Variants in FER1L6 observed in about 807,000 individuals in gnomAD.
FER1L6 encodes the protein fer-1 like family member 6.
Under a neutral mutation model 219.2 loss-of-function variants are expected in FER1L6, and 177 were observed. That is an observed-to-expected ratio of 0.81 (90% CI 0.71 to 0.91). FER1L6 has a LOEUF of 0.91. Ranked by LOEUF, FER1L6 falls within the 40% of genes least tolerant of loss-of-function variation. FER1L6 has a pLI of 0.00. For missense variants in FER1L6, 2,153 were observed against 2,259.9 expected, an observed-to-expected ratio of 0.95 and a Z score of 0.96; for synonymous variants, 768 against 824.3, an observed-to-expected ratio of 0.93 and a Z score of 1.17.
chr8:124,045,147 T>G (rs1028536909), intron 20 of FER1L6, among the ~76,000 whole-genome samples: 2 of 152,202 alleles, frequency 1.3e-5, no homozygotes, highest in South Asian at 2.1e-4. Context: ...TGACAAAATT[T>G]TATTTGCTCC....
At chr8:123,982,638 T>A (rs1410582250) in intron 11 of FER1L6, among the ~76,000 whole-genome samples, 1 of 152,192 alleles carries the variant, frequency 6.6e-6, no homozygotes. Context: ...ACAACAAACA[T>A]TTATTTTCTC....
chr8:123,869,682 G>A (rs1269116091), intron 1 of FER1L6, among the ~76,000 whole-genome samples: 1 of 152,168 alleles, frequency 6.6e-6, no homozygotes, highest in African/African-American at 2.4e-5. Context: ...TGTAGATATT[G>A]ACAAGTAATT....
At chr8:124,076,374 C>T (rs1176197644) in intron 32 of FER1L6, 49 bp downstream of exon 32, 1 of 1,582,826 alleles carries the variant, frequency 6.3e-7, no homozygotes, top group South Asian at 1.1e-5. Context: ...GCATTTGCTC[C>T]TGCTGTGTTT....
intron 34 of FER1L6, among the ~76,000 whole-genome samples, chr8:124,094,547 G>A (rs938029530): frequency 9.2e-5 from 14 of 152,014 alleles, no homozygotes; most frequent in East Asian, 5.8e-4. Flanking sequence ...GTGCAGTGGC[G>A]CGATCTCAGC....
chr8:124,041,287 A>G (rs1211656594), intron 20 of FER1L6, among the ~76,000 whole-genome samples: 1 of 152,230 alleles, frequency 6.6e-6, no homozygotes, highest in Admixed American at 6.5e-5. Flanking sequence ...ACTGTCATGA[A>G]GAAGCAGATA....
chr8:123,912,726 T>C (rs1007813917), intron 1 of FER1L6, among the ~76,000 whole-genome samples: 2 of 152,174 alleles, frequency 1.3e-5, no homozygotes, highest in Non-Finnish European at 2.9e-5. Context: ...GCCACAGCAG[T>C]TTAACTCCAG....
intron 1 of FER1L6, among the ~76,000 whole-genome samples, chr8:123,955,727 G>C (rs536139278): frequency 6.6e-6 from 1 of 152,208 alleles, no homozygotes; most frequent in African/African-American, 2.4e-5. Context: ...AGCTAGTGTT[G>C]TTAGTATTCA....
chr8:124,003,287 T>A lies in FER1L6; in HGVS notation c.1640T>A (p.Val547Asp), dbSNP rs560808766. 2 of 1,613,964 alleles carry A rather than the reference T, an allele frequency of 1.2e-6. No individual in the cohort carries two copies. The highest frequency in any genetic ancestry group is 2.2e-5 in the South Asian group (2 of 91,064). Residue 547 changes from valine to aspartate, a missense_variant, in exon 13 of 41, where the codon GTT (valine) becomes GAT (aspartate). By Grantham distance (152) the Val-to-Asp change is radical. Transcript: ENST00000522917. ...GGGCAAGGGGATGTGGCCCATGATGTTCCCATTCCTATGGCCTCCACCACT... is the reference window on the plus strand; with the variant it reads ...GGGCAAGGGGATGTGGCCCATGATGATCCCATTCCTATGGCCTCCACCACT... The part of the protein sequence containing the change: ...HEGQGDVAHD[V>D]PIPMASTTHP...
chr8:123,935,084 C>T (rs1275207174), intron 1 of FER1L6, among the ~76,000 whole-genome samples: 1 of 152,122 alleles, frequency 6.6e-6, no homozygotes, highest in Admixed American at 6.5e-5. Flanking sequence ...ATTGATGATT[C>T]TTAGCTAATT....
At chr8:123,973,976 TA>T (rs1815937809) in intron 7 of FER1L6, among the ~76,000 whole-genome samples, 1 of 152,238 alleles carries the variant, frequency 6.6e-6, no homozygotes, top group African/African-American at 2.4e-5. Context: ...AAATGCTTAG[TA>T]AAGAGTCTCA....
chr8:123,894,539 T>C (rs1424535147), intron 1 of FER1L6, among the ~76,000 whole-genome samples: 2 of 152,170 alleles, frequency 1.3e-5, no homozygotes, highest in Non-Finnish European at 2.9e-5. Flanking sequence ...TACTAAACAA[T>C]TGTAAAATGC....
At chr8:123,892,076 A>G (rs1328806190) in intron 1 of FER1L6, among the ~76,000 whole-genome samples, 2 of 152,206 alleles carry the variant, frequency 1.3e-5, no homozygotes, top group East Asian at 3.8e-4. Flanking sequence ...AAAAGGTTAT[A>G]AAAGGTTTAT....
chr8:123,911,287 T>A (rs76592583), intron 1 of FER1L6, among the ~76,000 whole-genome samples: 1 of 152,208 alleles, frequency 6.6e-6, no homozygotes, highest in South Asian at 2.1e-4. Flanking sequence ...ATGATAGTTA[T>A]GCAATAAAAT....
intron 26 of FER1L6, among the ~76,000 whole-genome samples, chr8:124,065,537 G>A (rs1211902147): frequency 2.0e-5 from 3 of 152,126 alleles, no homozygotes; most frequent in Admixed American, 2.0e-4. Context: ...TTCATCCATG[G>A]TCAGCGACCC....
chr8:123,993,815 GT>G (rs1816987053), intron 12 of FER1L6, among the ~76,000 whole-genome samples: 1 of 152,202 alleles, frequency 6.6e-6, no homozygotes, highest in Non-Finnish European at 1.5e-5. Context: ...GATGTGGTCT[GT>G]CCTCAAGTCT....
In FER1L6 at chr8:124,060,698, G is replaced by A. The variant is rs1448441265; in HGVS notation, c.3136G>A (p.Ala1046Thr). 2.5e-6 allele frequency: 4 copies of A among 1,613,770 alleles called. No individual in the cohort carries two copies. In the South Asian group the frequency reaches 3.3e-5, roughly 13 times the overall value. ...NNPNFSIQAD[A>T]FEVELPENEL... is the part of the protein sequence containing the mutation. The stretch of plus-strand genomic sequence containing the variant: ...CCCGAACTTCAGCATCCAGGCAGAC[G>A]CTTTCGAAGTGGTGCGAGCTTCTCA... The change falls in exon 24 of 41, where the codon GCT (alanine) becomes ACT (threonine). Residue 1046 changes from alanine to threonine, a missense_variant. Physicochemically the swap from Ala to Thr is moderately conservative, Grantham distance 58 (BLOSUM62 0). Coordinates refer to ENST00000522917, the MANE Select transcript of FER1L6 (RefSeq NM_001039112.2).
At chr8:123,899,805 C>A (rs1345129509) in intron 1 of FER1L6, among the ~76,000 whole-genome samples, 1 of 151,984 alleles carries the variant, frequency 6.6e-6, no homozygotes, top group Non-Finnish European at 1.5e-5. Flanking sequence ...CAGTTGGCTG[C>A]AAGTATTTGG....
chr8:124,064,695 G>A (rs1272400287), intron 26 of FER1L6, 122 bp downstream of exon 26: 17 of 824,308 alleles, frequency 2.1e-5, no homozygotes, highest in Middle Eastern at 2.2e-4. Flanking sequence ...TCTGAGTATC[G>A]GTTCATCCTT....
At position 123,871,942 on chromosome 8, in the gene FER1L6, T is replaced by C. The variant is rs117901627; in HGVS notation, c.-8+19757T>C. ...CTATATGTATTAGGCTGTTCTTGCA[T>C]TGCTATAAAGAAATACCTGAGACTG... On this transcript the variant is annotated intron_variant, in intron 1 of 40. Coordinates refer to ENST00000522917, the MANE Select transcript of FER1L6 (RefSeq NM_001039112.2). Among the ~76,000 whole-genome samples, 685 of 152,312 alleles carry C rather than the reference T, an allele frequency of 4.5e-3. 3 individuals are homozygous for C. The highest frequency in any genetic ancestry group is 8.5e-3 in the South Asian group (41 of 4,828).
Sources: allele counts gnomAD v4.1 joint callset (sites outside exome capture counted in the v4.1 genomes callset), GRCh38; gene constraint gnomAD v4.1.1; transcripts MANE v1.5; gene names NCBI Gene and HGNC (gene_info 2026-07-23, HGNC 2026-07-21).